PIEZO1: variants seen among roughly 807,000 people sequenced by gnomAD.
The protein encoded by PIEZO1 is piezo-type mechanosensitive ion channel component 1.
Under a neutral mutation model 297.2 loss-of-function variants are expected in PIEZO1, and 296 were observed. The observed-to-expected ratio is 1.00, with a 90% CI of 0.91 to 1.10. The LOEUF is 1.10. Ranked by LOEUF, PIEZO1 falls within the 50% of genes least tolerant of loss-of-function variation. PIEZO1 has a pLI of 0.00. For synonymous variants in PIEZO1, 2,427 were observed against 1,507.5 expected, an observed-to-expected ratio of 1.61 and a Z score of -14.13; for missense variants, 5,018 against 3,455.5, an observed-to-expected ratio of 1.45 and a Z score of -11.34.
chr16:88,781,459 G>A (rs1175600551), intron 1 of PIEZO1, among the ~76,000 whole-genome samples: 1 of 152,234 alleles, frequency 6.6e-6, no homozygotes, highest in Non-Finnish European at 1.5e-5. Context: ...CACACCTGCA[G>A]CCCTTGGTGC....
intron 39 of PIEZO1, 53 bp downstream of exon 39, chr16:88,721,113 G>A: frequency 1.4e-6 from 2 of 1,433,804 alleles, no homozygotes; most frequent in Admixed American, 2.5e-5. Flanking sequence ...CCCTGCAGTA[G>A]CCCCACTCAG....
At position 88,716,100 on chromosome 16, in the gene PIEZO1, G is replaced by C; in HGVS notation, c.7149C>G (p.Leu2383=). ...QLQPNEEADY[L]GVRIQLRREQ... ...CCCTCCGCAGCTGGATACGCACGCC[G>C]AGGTAGTCGGCCTCCTCATCTGGGA... Residue 2383 remains leucine, a synonymous_variant, in exon 50 of 51, where the codon CTC becomes CTG. Transcript: ENST00000301015. 1 of 1,547,540 alleles carries C rather than the reference G, an allele frequency of 6.5e-7. No individual in the cohort carries two copies. Among genetic ancestry groups the C allele is most frequent in the Non-Finnish European group, 8.7e-7 (1 of 1,145,198 alleles).
intron 37 of PIEZO1, 39 bp from the exon 38 acceptor site, chr16:88,721,765 G>A: frequency 6.5e-7 from 1 of 1,534,902 alleles, no homozygotes. Context: ...GAGGGTCACG[G>A]CGCGGTGGGC....
At chr16:88,723,184 T>C (rs1904295626) in intron 32 of PIEZO1, 33 bp from the exon 33 acceptor site, 1 of 1,549,192 alleles carries the variant, frequency 6.5e-7, no homozygotes, top group Non-Finnish European at 8.7e-7. Flanking sequence ...TGACTGGCAG[T>C]CCCGCGGCTT....
chr16:88,727,147 A>T lies in PIEZO1; in HGVS notation c.3347T>A (p.Phe1116Tyr). ...CCACTCCTCTGTGCGCTCAGCTGAG[A>T]ACACCTGCCACTGCTGGGAGGCGCA... ...LLCASQQWQV[F>Y]SAERTEEWQR... Residue 1116 changes from phenylalanine (F) to tyrosine (Y), a missense_variant, in exon 24 of 51, where the codon TTC (phenylalanine) becomes TAC (tyrosine). By Grantham distance (22) the Phe-to-Tyr change is conservative (BLOSUM62 3). Coordinates refer to ENST00000301015, the MANE Select transcript of PIEZO1 (RefSeq NM_001142864.4). 6.5e-7 allele frequency: 1 copy of T among 1,549,250 alleles called. No homozygotes were observed. Among genetic ancestry groups the T allele is most frequent in the Non-Finnish European group, 8.7e-7 (1 of 1,146,262 alleles).
chr16:88,742,032 G>C (rs1905711517), intron 4 of PIEZO1, 21 bp downstream of exon 4: 2 of 1,535,584 alleles, frequency 1.3e-6, no homozygotes, highest in Non-Finnish European at 1.7e-6. Context: ...TGCTGGTTGG[G>C]GGTGGGAGGA....
At chr16:88,744,518 C>G (rs530006725) in intron 2 of PIEZO1, among the ~76,000 whole-genome samples, 2 of 151,696 alleles carry the variant, frequency 1.3e-5, no homozygotes, top group South Asian at 4.2e-4. Context: ...AACTGCCTGA[C>G]CAGAGACCCC....
At position 88,734,991 on chromosome 16, in the gene PIEZO1, T is replaced by C; in HGVS notation, c.1732A>G (p.Lys578Glu). Residue 578 changes from lysine to glutamate, a missense_variant, in exon 14 of 51, where the codon AAG becomes GAG. Lys to Glu is a moderately conservative substitution (Grantham distance 56). Transcript: ENST00000301015. The part of the protein sequence containing the change: ...LGELVKGVYA[K>E]YWIYVCAGMF... ...CCAGCACACACATAGATCCAGTACT[T>C]GGCGTACACGCCCTTCACCAGCTCC... 1.3e-6 allele frequency: 2 copies of C among 1,550,506 alleles called. No homozygotes were observed. Among genetic ancestry groups the C allele is most frequent in the Non-Finnish European group, 1.7e-6 (2 of 1,146,974 alleles).
At chr16:88,769,557 A>C (rs1907328190) in intron 1 of PIEZO1, among the ~76,000 whole-genome samples, 1 of 152,030 alleles carries the variant, frequency 6.6e-6, no homozygotes, top group East Asian at 1.9e-4. Flanking sequence ...CTCCTCTCCT[A>C]CCACTGCACA....
chr16:88,732,610 G>C lies in PIEZO1; in HGVS notation c.2787C>G (p.Ile929Met). The C allele has an allele frequency of 6.5e-7, 1 of 1,548,958 alleles. No individual in the cohort carries two copies. The highest frequency in any genetic ancestry group is 8.7e-7 in the Non-Finnish European group (1 of 1,146,026). The change falls in exon 20 of 51, where the codon ATC (isoleucine) becomes ATG (methionine). Residue 929 changes from isoleucine (I) to methionine (M), a missense_variant. Physicochemically the swap from Ile to Met is conservative, Grantham distance 10 (BLOSUM62 1). Transcript: ENST00000301015. ...GCCCACCAGCCCTTCAACTCACCTGGATGTAGCCCAGGTTGGGGAACCCTT... is the reference window on the plus strand; with the variant it reads ...GCCCACCAGCCCTTCAACTCACCTGCATGTAGCCCAGGTTGGGGAACCCTT... Reference protein sequence around the residue: ...VRKGFPNLGYIQNHLQVLLLL... With the variant: ...VRKGFPNLGYMQNHLQVLLLL...
At chr16:88,757,439 C>A (rs568550458) in intron 1 of PIEZO1, among the ~76,000 whole-genome samples, 2 of 150,478 alleles carry the variant, frequency 1.3e-5, no homozygotes, top group Non-Finnish European at 3.0e-5. Flanking sequence ...CGGGTGGGAA[C>A]AGGTCTCCAA....
At chr16:88,784,754 G>A in intron 1 of PIEZO1, 147 bp downstream of exon 1, 1 of 497,898 alleles carries the variant, frequency 2.0e-6, no homozygotes. Flanking sequence ...CTTCAGGAAT[G>A]CGGGCGCCCG....
chr16:88,778,469 G>T (rs1013260007), intron 1 of PIEZO1, among the ~76,000 whole-genome samples: 1 of 152,358 alleles, frequency 6.6e-6, no homozygotes, highest in Non-Finnish European at 1.5e-5. Flanking sequence ...AATACTCCCT[G>T]TAATTATGCT....
At position 88,736,184 on chromosome 16, in the gene PIEZO1, C is replaced by T. The variant is rs757482516; in HGVS notation, c.1521G>A (p.Glu507=). ...GGTCCAGACAGGGGTAGCGGGTGTGCTCCAGCCCCAGCTGGCGCAGGCTGA... is the reference window on the plus strand; with the variant it reads ...GGTCCAGACAGGGGTAGCGGGTGTGTTCCAGCCCCAGCTGGCGCAGGCTGA... ...GPVSLRQLGL[E]HTRYPCLDLG... Residue 507 remains glutamate, a synonymous_variant, in exon 12 of 51, where the codon GAG becomes GAA. Transcript: ENST00000301015. The T allele has an allele frequency of 4.5e-6, 7 of 1,549,140 alleles. No homozygotes were observed. Among genetic ancestry groups the T allele is most frequent in the South Asian group, 3.6e-5 (3 of 83,978 alleles).
chr16:88,747,382 G>T (rs1246200117), intron 2 of PIEZO1, among the ~76,000 whole-genome samples: 1 of 152,228 alleles, frequency 6.6e-6, no homozygotes, highest in African/African-American at 2.4e-5. Context: ...CAGGCATGAT[G>T]GTGGGCGCCT....
At chr16:88,779,067 G>C (rs901828768) in intron 1 of PIEZO1, among the ~76,000 whole-genome samples, 3 of 132,094 alleles carry the variant, frequency 2.3e-5, no homozygotes, top group Non-Finnish European at 1.6e-5. Flanking sequence ...AGGGAGTCTT[G>C]CTGTCCCCCA....
At position 88,733,357 on chromosome 16, in the gene PIEZO1, G is replaced by A. The variant is rs1028193449; in HGVS notation, c.2585C>T (p.Thr862Ile). The change falls in exon 19 of 51, where the codon ACC becomes ATC. Residue 862 changes from threonine (T) to isoleucine (I), a missense_variant. Coordinates refer to ENST00000301015, the MANE Select transcript of PIEZO1 (RefSeq NM_001142864.4). ...CATCTTACACACGATGATGACGCAGGTCCACACGGTGGACAGGCAGGAGGC... is the reference window on the plus strand; with the variant it reads ...CATCTTACACACGATGATGACGCAGATCCACACGGTGGACAGGCAGGAGGC... ...PMASCLSTVW[T>I]CVIIVCKMLY... is the part of the protein sequence containing the mutation. 3 of 1,550,124 alleles carry A rather than the reference G, an allele frequency of 1.9e-6. No homozygotes were observed. The highest frequency in any genetic ancestry group is 2.6e-6 in the Non-Finnish European group (3 of 1,146,856).
Position 88,721,795 on chromosome 16 carries a change from G to A in PIEZO1, c.5214+13C>T, listed in dbSNP as rs963942686. Reference sequence around the variant, plus strand: ...GTGGGCCGGGCGCCCCCTCCCCCGCGGCCTCGGCCCACCTCGGTGAAGACG... The same window carrying A: ...GTGGGCCGGGCGCCCCCTCCCCCGCAGCCTCGGCCCACCTCGGTGAAGACG... On this transcript the variant is annotated intron_variant, in intron 37 of 50. Coordinates refer to ENST00000301015, the MANE Select transcript of PIEZO1 (RefSeq NM_001142864.4). The A allele has an allele frequency of 1.2e-5, 19 of 1,538,638 alleles. No homozygotes were observed. The highest frequency in any genetic ancestry group is 1.7e-4 in the Middle Eastern group (1 of 5,752).
At chr16:88,735,474 C>T (rs769931538) in intron 12 of PIEZO1, among the ~76,000 whole-genome samples, 2 of 152,286 alleles carry the variant, frequency 1.3e-5, no homozygotes, top group Non-Finnish European at 2.9e-5. Context: ...GGTTCACTTG[C>T]GCTCACACGC....
Sources: allele counts gnomAD v4.1 joint callset (sites outside exome capture counted in the v4.1 genomes callset), GRCh38; gene constraint gnomAD v4.1.1; transcripts MANE v1.5; gene names NCBI Gene and HGNC (gene_info 2026-07-23, HGNC 2026-07-21).